Variants in IQCH observed in about 807,000 individuals in gnomAD.
IQCH encodes the protein IQ domain-containing protein H.
A neutral mutation model predicts 117.0 loss-of-function variants in IQCH; 98 were observed. That is an observed-to-expected ratio of 0.84 (90% CI 0.71 to 0.99). The LOEUF (loss-of-function observed/expected upper bound fraction) is 0.99. Ranked by LOEUF, IQCH falls within the 50% of genes least tolerant of loss-of-function variation. The probability of loss-of-function intolerance (pLI) is 0.00; values close to 1 mark genes in which losing one functional copy is unlikely to be tolerated. For synonymous variants in IQCH, 412 were observed against 448.2 expected (o/e 0.92, Z 1.02); for missense variants, 1,102 against 1,243.8 (o/e 0.89, Z 1.72).
rs1351962088 is a variant in IQCH at position 67,467,303 on chromosome 15, A to T, written c.2676+2006A>T. Among the ~76,000 whole-genome samples, 1 of 152,234 alleles carries T rather than the reference A, an allele frequency of 6.6e-6. No individual in the cohort carries two copies. The highest frequency in any genetic ancestry group is 2.4e-5 in the African/African-American group (1 of 41,458). ...CCAAAGACAATTGCAGCTTTGAAGT[A>T]TGTTGCTTCAGAAGGCTATCAGCAG... On this transcript the variant is annotated intron_variant, in intron 17 of 20. Coordinates refer to ENST00000335894, the MANE Select transcript of IQCH (RefSeq NM_001031715.3). This position sits in a 1 kb window ranked among gnomAD's most constrained non-coding sequence, Gnocchi z 5.7.
chr15:67,410,396 A>G (rs888181928), intron 14 of IQCH, among the ~76,000 whole-genome samples: 1 of 152,224 alleles, frequency 6.6e-6, no homozygotes, highest in Non-Finnish European at 1.5e-5. Flanking sequence ...ACTACACTCC[A>G]TTCTAAGGCT....
At position 67,475,898 on chromosome 15, in the gene IQCH, T is replaced by C; in HGVS notation, c.2799+80T>C. On this transcript the variant is annotated intron_variant, in intron 18 of 20. Coordinates refer to ENST00000335894, the MANE Select transcript of IQCH (RefSeq NM_001031715.3). The surrounding 1 kb of genome is among the most constrained non-coding windows in gnomAD (Gnocchi z 5.7). Reference sequence around the variant, plus strand: ...TAGGTAGCTAATAATTTGGTGCCCCTTCAGATAGATATTCTTTAAATACCG... The same window carrying C: ...TAGGTAGCTAATAATTTGGTGCCCCCTCAGATAGATATTCTTTAAATACCG... The C allele has an allele frequency of 8.0e-7, 1 of 1,253,484 alleles. No individual in the cohort carries two copies. The highest frequency in any genetic ancestry group is 1.1e-6 in the Non-Finnish European group (1 of 870,040). 77.6% of individuals were successfully genotyped at this position (1,253,484 alleles called of 1,614,324 possible). A position where few individuals can be genotyped will look rare whatever the true frequency, so the allele number is the denominator to read the frequency against.
At chr15:67,350,821 CT>C (rs1413747951) in intron 6 of IQCH, among the ~76,000 whole-genome samples, 1 of 152,100 alleles carries the variant, frequency 6.6e-6, no homozygotes, top group Non-Finnish European at 1.5e-5. Flanking sequence ...GTGAATTTTA[CT>C]GTATGTAAGT....
Position 67,447,424 on chromosome 15 carries a change from T to G in IQCH, c.2506-17703T>G, listed in dbSNP as rs780151900. On this transcript the variant is annotated intron_variant, in intron 16 of 20. Coordinates refer to ENST00000335894, the MANE Select transcript of IQCH (RefSeq NM_001031715.3). This position sits in a 1 kb window ranked among gnomAD's most constrained non-coding sequence, Gnocchi z 5.3. ...TCTGTAGGAAACAGTGGCAAAGTCA[T>G]GGAATCCAGATTCATCTCTCAGATA... Among the ~76,000 whole-genome samples, 3 of 152,200 alleles carry G rather than the reference T, an allele frequency of 2.0e-5. No individual in the cohort carries two copies. Among genetic ancestry groups the G allele is most frequent in the Non-Finnish European group, 4.4e-5 (3 of 68,034 alleles).
Position 67,443,149 on chromosome 15 carries a change from C to T in IQCH, c.2505+21572C>T, listed in dbSNP as rs1206992172. 1.4e-4 allele frequency among the ~76,000 whole-genome samples: 21 copies of T among 152,060 alleles called. No homozygotes were observed. The highest frequency in any genetic ancestry group is 1.1e-3 in the Admixed American group (17 of 15,274). The stretch of plus-strand genomic sequence containing the variant: ...CTGGGACTACAGGCGCCCGCCACAG[C>T]GCCCGGCTAATTTTTTGTATTTTTA... On this transcript the variant is annotated intron_variant, in intron 16 of 20. Coordinates refer to ENST00000335894, the MANE Select transcript of IQCH (RefSeq NM_001031715.3). The surrounding 1 kb of genome is among the most constrained non-coding windows in gnomAD (Gnocchi z 5.0).
In IQCH at chr15:67,458,711, G is replaced by A. The variant is rs576911743; in HGVS notation, c.2506-6416G>A. 1.7e-4 allele frequency among the ~76,000 whole-genome samples: 26 copies of A among 152,322 alleles called. No homozygotes were observed. The highest frequency in any genetic ancestry group is 3.1e-4 in the Non-Finnish European group (21 of 68,022). On this transcript the variant is annotated intron_variant, in intron 16 of 20. Coordinates refer to ENST00000335894, the MANE Select transcript of IQCH (RefSeq NM_001031715.3). This position sits in a 1 kb window ranked among gnomAD's most constrained non-coding sequence, Gnocchi z 4.1. ...AACCAGAGGAGCTGGGCAGGTGACC[G>A]AGCACTTGGTCTTACTCTAGAAAAA... is the stretch of plus-strand genomic sequence containing the variant.
At position 67,496,529 on chromosome 15, in the gene IQCH, A is replaced by T. The variant is rs909806294; in HGVS notation, c.2970+2163A>T. ...ATTCATCATTGTACTGGAGTTCTGG[A>T]CAGAGAAATTAGGCAAGAAAAGGAA... On this transcript the variant is annotated intron_variant, in intron 20 of 20. Coordinates refer to ENST00000335894, the MANE Select transcript of IQCH (RefSeq NM_001031715.3). This position sits in a 1 kb window ranked among gnomAD's most constrained non-coding sequence, Gnocchi z 4.4. 6.6e-6 allele frequency among the ~76,000 whole-genome samples: 1 copy of T among 152,100 alleles called. No homozygotes were observed. The highest frequency in any genetic ancestry group is 2.4e-5 in the African/African-American group (1 of 41,418).
At chr15:67,313,420 A>T (rs764273826) in intron 4 of IQCH, among the ~76,000 whole-genome samples, 2 of 152,156 alleles carry the variant, frequency 1.3e-5, no homozygotes, top group African/African-American at 2.4e-5. Flanking sequence ...AGTCCTGGTT[A>T]TGTGACTCCC....
chr15:67,331,326 A>G (rs1191746911), intron 4 of IQCH, among the ~76,000 whole-genome samples: 1 of 152,196 alleles, frequency 6.6e-6, no homozygotes, highest in Admixed American at 6.5e-5. Flanking sequence ...ACATAAATTA[A>G]TTTAAACTAG....
At chr15:67,414,435 G>C (rs2081523727) in intron 14 of IQCH, among the ~76,000 whole-genome samples, 1 of 152,068 alleles carries the variant, frequency 6.6e-6, no homozygotes, top group African/African-American at 2.4e-5. Flanking sequence ...GAGTCAGCAA[G>C]GGGAGGCAGA....
chr15:67,483,218 C>T (rs1414421457), intron 18 of IQCH, among the ~76,000 whole-genome samples: 1 of 152,148 alleles, frequency 6.6e-6, no homozygotes, highest in Middle Eastern at 3.2e-3. Context: ...GCAACTAAAA[C>T]AGTCCTTAAA....
intron 4 of IQCH, among the ~76,000 whole-genome samples, chr15:67,317,257 G>A (rs1279622719): frequency 6.6e-6 from 1 of 151,944 alleles, no homozygotes; most frequent in Non-Finnish European, 1.5e-5. Flanking sequence ...CTGTAGCCCA[G>A]GCTGGCGTGA....
rs2083626122 is a variant in IQCH, at chr15:67,490,668, T to C, written c.2861+604T>C. 6.6e-6 allele frequency among the ~76,000 whole-genome samples: 1 copy of C among 152,190 alleles called. No homozygotes were observed. Among genetic ancestry groups the C allele is most frequent in the Admixed American group, 6.5e-5 (1 of 15,288 alleles). On this transcript the variant is annotated intron_variant, in intron 19 of 20. Transcript: ENST00000335894. This position sits in a 1 kb window ranked among gnomAD's most constrained non-coding sequence, Gnocchi z 4.9. Reference sequence around the variant, plus strand: ...TCTCACTGATGGGGACCCAGCTCAGTTGTCCTGCCTGTGGAAGGCAGTTGT... The same window carrying C: ...TCTCACTGATGGGGACCCAGCTCAGCTGTCCTGCCTGTGGAAGGCAGTTGT...
rs1478737600 is a variant in IQCH at position 67,365,410 on chromosome 15, G to C, written c.753+5525G>C. Reference sequence around the variant, plus strand: ...CAACTGGCTATAAGCTTAAATTTTAGTATTCACACTTTCATACATTCATTC... The same window carrying C: ...CAACTGGCTATAAGCTTAAATTTTACTATTCACACTTTCATACATTCATTC... On this transcript the variant is annotated intron_variant, in intron 8 of 20. Transcript: ENST00000335894. The surrounding 1 kb of genome is among the most constrained non-coding windows in gnomAD (Gnocchi z 4.4). 1.3e-5 allele frequency among the ~76,000 whole-genome samples: 2 copies of C among 152,160 alleles called. No individual in the cohort carries two copies. Among genetic ancestry groups the C allele is most frequent in the Non-Finnish European group, 1.5e-5 (1 of 68,026 alleles).
At chr15:67,439,518 A>G (rs1334823872) in intron 16 of IQCH, among the ~76,000 whole-genome samples, 1 of 152,146 alleles carries the variant, frequency 6.6e-6, no homozygotes, top group Non-Finnish European at 1.5e-5. Context: ...AAGAAAGGAA[A>G]TTACCCAGCA....
At chr15:67,331,713 A>G (rs2140640838) in intron 4 of IQCH, among the ~76,000 whole-genome samples, 1 of 152,342 alleles carries the variant, frequency 6.6e-6, no homozygotes, top group East Asian at 1.9e-4. Flanking sequence ...TGCTCTACAC[A>G]GTCATTCAAG....
intron 16 of IQCH, chr15:67,460,070 G>C (rs1483658009): frequency 6.6e-6 from 1 of 152,192 alleles, no homozygotes; most frequent in Non-Finnish European, 1.5e-5. Context: ...AGGATCGCTT[G>C]AGCCCAGGAA....
rs1279916906 is a variant in IQCH at position 67,359,940 on chromosome 15, C to T, written c.753+55C>T. 1 of 1,417,214 alleles carries T rather than the reference C, an allele frequency of 7.1e-7. No individual in the cohort carries two copies. The highest frequency in any genetic ancestry group is 1.0e-6 in the Non-Finnish European group (1 of 1,000,830). 87.8% of individuals were successfully genotyped at this position (1,417,214 alleles called of 1,614,324 possible). On this transcript the variant is annotated intron_variant, in intron 8 of 20. Transcript: ENST00000335894. The surrounding 1 kb of genome is among the most constrained non-coding windows in gnomAD (Gnocchi z 4.5). ...TAGGGTCTGTCACCTGATGTCCCTT[C>T]CTTTTGCTGCAGGGCAAGAGTATGG...
intron 3 of IQCH, among the ~76,000 whole-genome samples, chr15:67,277,693 C>G (rs1966184975): frequency 6.6e-6 from 1 of 152,100 alleles, no homozygotes; most frequent in Admixed American, 6.5e-5. Flanking sequence ...GCCACCACGC[C>G]TGGCTAATTT....
Sources: gnomAD v4.1 joint callset for allele counts (sites outside exome capture counted in the v4.1 genomes callset) on GRCh38, gnomAD v4.1.1 for gene constraint, Gnocchi (gnomAD v3.1) non-coding constraint, MANE v1.5 for transcripts, NCBI Gene and HGNC (gene_info 2026-07-23, HGNC 2026-07-21) for gene names.